Variants in NDUFA9 observed in about 807,000 individuals in gnomAD.
The protein encoded by NDUFA9 is NADH dehydrogenase [ubiquinone] 1 alpha subcomplex subunit 9, mitochondrial.
NDUFA9 carries 23 observed loss-of-function variants against 45.9 expected under a neutral mutation model. The observed-to-expected ratio is 0.50, with a 90% CI of 0.36 to 0.71. The LOEUF is 0.71. Among genes scored for constraint, NDUFA9 ranks in the 30% least tolerant of loss-of-function variants. The pLI is 0.00. For missense variants in NDUFA9, 466 were observed against 488.2 expected (o/e 0.95, Z 0.43); for synonymous variants, 176 against 170.5 (o/e 1.03, Z -0.25).
chr12:4,657,952 A>G, intron 4 of NDUFA9, 113 bp downstream of exon 4: 1 of 852,682 alleles, frequency 1.2e-6, no homozygotes, highest in East Asian at 2.5e-5. Flanking sequence ...CAATTAGTGA[A>G]TAAGGGTTGG....
chr12:4,675,489 T>A (rs1339113513), intron 8 of NDUFA9, among the ~76,000 whole-genome samples: 1 of 151,884 alleles, frequency 6.6e-6, no homozygotes, highest in East Asian at 1.9e-4. Context: ...TCACCACTGA[T>A]CCCACAGAAA....
intron 8 of NDUFA9, among the ~76,000 whole-genome samples, chr12:4,677,339 G>A (rs902854959): frequency 1.3e-5 from 2 of 152,162 alleles, no homozygotes; most frequent in Non-Finnish European, 2.9e-5. Flanking sequence ...CACAGCAAAA[G>A]AAACTATCAT....
chr12:4,675,907 C>T (rs1339408410), intron 8 of NDUFA9, among the ~76,000 whole-genome samples: 2 of 151,518 alleles, frequency 1.3e-5, no homozygotes, highest in Non-Finnish European at 3.0e-5. Context: ...CGAAAATCCT[C>T]AATAAAATCC....
intron 9 of NDUFA9, among the ~76,000 whole-genome samples, chr12:4,684,808 A>ATT (rs10631547): frequency 0.56 from 82,033 of 145,428 alleles, 22,969 homozygotes; most frequent in Non-Finnish European, 0.61. Flanking sequence ...TTGCTTTTGG[A>ATT]TTTTTTTTTT....
intron 8 of NDUFA9, among the ~76,000 whole-genome samples, chr12:4,679,755 C>T (rs1945941758): frequency 1.3e-5 from 2 of 152,112 alleles, no homozygotes; most frequent in Admixed American, 1.3e-4. Flanking sequence ...GCAAAGGAAA[C>T]GGGTAAAGAG....
At chr12:4,662,915 C>T (rs764496313) in intron 6 of NDUFA9, among the ~76,000 whole-genome samples, 4 of 152,122 alleles carry the variant, frequency 2.6e-5, no homozygotes, top group Non-Finnish European at 5.9e-5. Context: ...GGCAAATATT[C>T]GAATATCACA....
At chr12:4,659,539 C>T (rs1025845647) in intron 5 of NDUFA9, among the ~76,000 whole-genome samples, 10 of 152,266 alleles carry the variant, frequency 6.6e-5, no homozygotes, top group Non-Finnish European at 1.3e-4. Context: ...TCTTTCTCAC[C>T]CCTTGCACTG....
chr12:4,654,894 T>C lies in NDUFA9; in HGVS notation c.290T>C (p.Met97Thr). ...TATGACATCATGCACCTTCGTCCCA[T>C]GGGTGACCTGGGCCAGCTTCTGTTT... is the stretch of plus-strand genomic sequence containing the variant. ...DKYDIMHLRP[M>T]GDLGQLLFLE... The change falls in exon 3 of 11, where the codon ATG becomes ACG. Residue 97 changes from methionine to threonine, a missense_variant. By Grantham distance (81) the Met-to-Thr change is moderately conservative. Transcript: ENST00000266544. The C allele has an allele frequency of 6.2e-7, 1 of 1,613,880 alleles. No individual in the cohort carries two copies. Among genetic ancestry groups the C allele is most frequent in the Non-Finnish European group, 8.5e-7 (1 of 1,179,870 alleles).
rs141169930 is a variant in NDUFA9, at chr12:4,655,727, C to T, written c.318+805C>T. Reference sequence around the variant, plus strand: ...AGCATTCCCTTTGTCGTCCTTTAATCTACAGGTTCTTTAGGGCAGTAGTTG... The same window carrying T: ...AGCATTCCCTTTGTCGTCCTTTAATTTACAGGTTCTTTAGGGCAGTAGTTG... On this transcript the variant is annotated intron_variant, in intron 3 of 10. Coordinates refer to ENST00000266544, the MANE Select transcript of NDUFA9 (RefSeq NM_005002.5). 9 of 152,242 alleles carry T rather than the reference C, an allele frequency of 5.9e-5. No homozygotes were observed. In the East Asian group the frequency reaches 1.7e-3, roughly 29 times the overall value. 9.4% of individuals were successfully genotyped at this position (152,242 alleles called of 1,614,324 possible).
Position 4,654,874 on chromosome 12 carries a change from C to G in NDUFA9, c.270C>G (p.Asp90Glu). 1 of 1,613,994 alleles carries G rather than the reference C, an allele frequency of 6.2e-7. No individual in the cohort carries two copies. Among genetic ancestry groups the G allele is most frequent in the East Asian group, 2.2e-5 (1 of 44,880 alleles). Reference sequence around the variant, plus strand: ...TACCCTATCGGTGTGATAAATATGACATCATGCACCTTCGTCCCATGGGTG... The same window carrying G: ...TACCCTATCGGTGTGATAAATATGAGATCATGCACCTTCGTCCCATGGGTG... ...VIIPYRCDKYDIMHLRPMGDL... is the reference protein window; with the variant it reads ...VIIPYRCDKYEIMHLRPMGDL... Residue 90 changes from aspartate (D) to glutamate (E), a missense_variant, in exon 3 of 11, where the codon GAC becomes GAG. By Grantham distance (45) the Asp-to-Glu change is conservative (BLOSUM62 2). Transcript: ENST00000266544.
chr12:4,681,469 A>G (rs1013874960), intron 8 of NDUFA9, among the ~76,000 whole-genome samples: 1 of 151,496 alleles, frequency 6.6e-6, no homozygotes, highest in Non-Finnish European at 1.5e-5. Flanking sequence ...TAAAGACATA[A>G]TAATTAAAAC....
intron 1 of NDUFA9, among the ~76,000 whole-genome samples, chr12:4,649,976 C>T (rs1301427897): frequency 2.0e-5 from 3 of 152,230 alleles, no homozygotes; most frequent in African/African-American, 7.2e-5. Flanking sequence ...TCACCCTCTA[C>T]TCTTCCACAA....
chr12:4,670,084 T>G (rs544765610), intron 8 of NDUFA9, among the ~76,000 whole-genome samples: 4 of 152,166 alleles, frequency 2.6e-5, no homozygotes, highest in African/African-American at 4.8e-5. Flanking sequence ...CCAGTGATGT[T>G]TTTAATATAT....
At chr12:4,660,067 A>G (rs1945815130) in intron 5 of NDUFA9, among the ~76,000 whole-genome samples, 1 of 151,998 alleles carries the variant, frequency 6.6e-6, no homozygotes. Flanking sequence ...AGGAAGAGAG[A>G]AGAGTCAAAG....
At position 4,693,635 on chromosome 12, in the gene NDUFA9, G is replaced by C. The variant is rs1055874797; in HGVS notation, c.*6527G>C. 6.6e-6 allele frequency: 1 copy of C among 152,182 alleles called. No individual in the cohort carries two copies. Among genetic ancestry groups the C allele is most frequent in the Non-Finnish European group, 1.5e-5 (1 of 68,018 alleles). 9.4% of individuals were successfully genotyped at this position (152,182 alleles called of 1,614,324 possible). A position where few individuals can be genotyped will look rare whatever the true frequency, so the allele number is the denominator to read the frequency against. On this transcript the variant is annotated 3_prime_UTR_variant, in exon 11 of 11. Transcript: ENST00000266544. ...TTCAGGAGAGTGATGGTTTGAGATG[G>C]TAACTGAAGTTGTAGAAGTAGATGT...
At chr12:4,664,011 T>G (rs1037589142) in intron 6 of NDUFA9, among the ~76,000 whole-genome samples, 1 of 152,154 alleles carries the variant, frequency 6.6e-6, no homozygotes, top group South Asian at 2.1e-4. Context: ...GTGATGAAAT[T>G]GTTTATTCAG....
intron 7 of NDUFA9, among the ~76,000 whole-genome samples, 155 bp from the exon 8 acceptor site, chr12:4,669,586 C>T (rs1390085661): frequency 1.3e-5 from 2 of 152,202 alleles, no homozygotes; most frequent in Admixed American, 1.3e-4. Context: ...ATTATTTTAA[C>T]TTCACATTTT....
At chr12:4,669,576 A>G (rs574443020) in intron 7 of NDUFA9, among the ~76,000 whole-genome samples, 165 bp from the exon 8 acceptor site, 5 of 152,210 alleles carry the variant, frequency 3.3e-5, no homozygotes, top group Non-Finnish European at 7.3e-5. Flanking sequence ...AGATAATGCC[A>G]TTATTTTAAC....
rs1945808732 is a variant in NDUFA9, at chr12:4,659,135, G to C, written c.510G>C (p.Leu170=). ...AAAAATTCATTCATGTTTCACATCTGAATGCGAATATTAAAAGCTCTTCTA... is the reference window on the plus strand; with the variant it reads ...AAAAATTCATTCATGTTTCACATCTCAATGCGAATATTAAAAGCTCTTCTA... The part of the protein sequence containing the change: ...GVEKFIHVSH[L]NANIKSSSRY... The change falls in exon 5 of 11, where the codon CTG becomes CTC. Residue 170 remains leucine, a synonymous_variant. Coordinates refer to ENST00000266544, the MANE Select transcript of NDUFA9 (RefSeq NM_005002.5). The C allele has an allele frequency of 6.2e-7, 1 of 1,611,306 alleles. No homozygotes were observed. Among genetic ancestry groups the C allele is most frequent in the South Asian group, 1.1e-5 (1 of 91,008 alleles).
Sources: allele counts gnomAD v4.1 joint callset (sites outside exome capture counted in the v4.1 genomes callset), GRCh38; gene constraint gnomAD v4.1.1; transcripts MANE v1.5; gene names NCBI Gene and HGNC (gene_info 2026-07-23, HGNC 2026-07-21).